The following CCNF variants were observed in gnomAD, a reference collection of about 807,000 sequenced individuals.
CCNF encodes cyclin-F.
In CCNF, 30 loss-of-function variants were observed where a neutral mutation model predicts 85.4. That is an observed-to-expected ratio of 0.35 (90% confidence interval 0.26 to 0.48). CCNF has a LOEUF of 0.48. Ranked by LOEUF, CCNF falls within the 20% of genes least tolerant of loss-of-function variation. CCNF has a pLI of 0.99. For synonymous variants in CCNF, 439 were observed against 425.1 expected, an observed-to-expected ratio of 1.03 and a Z score of -0.40; for missense variants, 919 against 1,010.4, an observed-to-expected ratio of 0.91 and a Z score of 1.23.
chr16:2,433,158 T>C (rs1055460410), intron 3 of CCNF, 91 bp downstream of exon 3: 38 of 770,190 alleles, frequency 4.9e-5, no homozygotes, highest in African/African-American at 4.6e-4. Context: ...TCAGCAACGA[T>C]TTTCCTGTTG....
In CCNF at chr16:2,451,917, C is replaced by G. The variant is rs189742397; in HGVS notation, c.1488-1293C>G. On this transcript the variant is annotated intron_variant, in intron 13 of 16. Coordinates refer to ENST00000397066, the MANE Select transcript of CCNF (RefSeq NM_001761.3). This position sits in a 1 kb window ranked among gnomAD's most constrained non-coding sequence, Gnocchi z 4.3. ...ATTCAGGCCACATCTCAACCTTGACCTGCCACCCCCCTGCCAGCGTGACTC... is the reference window on the plus strand; with the variant it reads ...ATTCAGGCCACATCTCAACCTTGACGTGCCACCCCCCTGCCAGCGTGACTC... Among the ~76,000 whole-genome samples, 191 of 152,342 alleles carry G rather than the reference C, an allele frequency of 1.3e-3. 1 individual carries two copies. Among genetic ancestry groups the G allele is most frequent in the Admixed American group, 9.3e-3 (143 of 15,310 alleles).
At chr16:2,454,182 C>G (rs918724966) in intron 15 of CCNF, among the ~76,000 whole-genome samples, 1 of 152,194 alleles carries the variant, frequency 6.6e-6, no homozygotes, top group Admixed American at 6.5e-5. Context: ...TAGGACCAGG[C>G]AGGGCTGCCT....
rs148847295 is a variant in CCNF, at chr16:2,454,789, G to A, written c.1716-606G>A. ...ATCAACACCAGAGGGGCCGGGTGCG[G>A]TTGCTCATGCCTGTAATCCCAGCAC... On this transcript the variant is annotated intron_variant, in intron 15 of 16. Transcript: ENST00000397066. 3.9e-3 allele frequency among the ~76,000 whole-genome samples: 601 copies of A among 152,326 alleles called. 5 individuals carry two copies. The highest frequency in any genetic ancestry group is 0.014 in the African/African-American group (573 of 41,572).
chr16:2,447,139 C>T (rs1288539756), intron 10 of CCNF, among the ~76,000 whole-genome samples: 5 of 152,160 alleles, frequency 3.3e-5, no homozygotes, highest in Non-Finnish European at 5.9e-5. Context: ...GGGCCACAAC[C>T]GGCTGGCAGT....
chr16:2,443,314 A>C (rs899921243), intron 8 of CCNF, among the ~76,000 whole-genome samples: 3 of 151,202 alleles, frequency 2.0e-5, no homozygotes, highest in African/African-American at 7.3e-5. Flanking sequence ...GGGTGTAAAC[A>C]TTGGCAGAAG....
At position 2,456,959 on chromosome 16, in the gene CCNF, G is replaced by A. The variant is rs374118703; in HGVS notation, c.2300G>A (p.Arg767Gln). Residue 767 changes from arginine to glutamine, a missense_variant, in exon 17 of 17, where the codon CGG becomes CAG. Arg to Gln is a conservative substitution (Grantham distance 43). Transcript: ENST00000397066. The surrounding 1 kb of genome is among the most constrained non-coding windows in gnomAD (Gnocchi z 4.5). The part of the protein sequence containing the change: ...ESSVPQQQVK[R>Q]INLCIHSEEE... ...AGTGTTCCCCAGCAACAGGTGAAGC[G>A]GATAAACCTATGCATACACAGTGAG... 3.7e-5 allele frequency: 60 copies of A among 1,612,480 alleles called. No individual in the cohort carries two copies. The highest frequency in any genetic ancestry group is 8.4e-5 in the Admixed American group (5 of 59,852).
intron 8 of CCNF, among the ~76,000 whole-genome samples, chr16:2,442,976 TTA>T (rs1328641733): frequency 4.6e-5 from 5 of 108,490 alleles, no homozygotes; most frequent in African/African-American, 1.8e-4. Context: ...TATTTATATA[TTA>T]TATATTATTT....
At position 2,429,491 on chromosome 16, in the gene CCNF, G is replaced by T; in HGVS notation, c.10G>T (p.Gly4Cys). 8.1e-7 allele frequency: 1 copy of T among 1,231,728 alleles called. No individual in the cohort carries two copies. The highest frequency in any genetic ancestry group is 1.0e-6 in the Non-Finnish European group (1 of 987,858). The allele number at this position is 1,231,728 out of a possible 1,614,324, so 76.3% of individuals were successfully genotyped here. A position where few individuals can be genotyped will look rare whatever the true frequency, so the allele number is the denominator to read the frequency against. The change falls in exon 1 of 17, where the codon GGC becomes TGC. Residue 4 changes from glycine to cysteine, a missense_variant. Gly to Cys is a radical substitution (Grantham distance 159, BLOSUM62 -3). Coordinates refer to ENST00000397066, the MANE Select transcript of CCNF (RefSeq NM_001761.3). Reference protein sequence around the residue: MGSGGVVHCRCAKC... With the variant: MGSCGVVHCRCAKC... ...CGACGCGAGCGCGGCGATGGGGAGC[G>T]GCGGCGGTGAGTGCGGGGCGATGTC... is the stretch of plus-strand genomic sequence containing the variant.
intron 13 of CCNF, among the ~76,000 whole-genome samples, chr16:2,450,158 T>TA (rs2065386436): frequency 6.9e-6 from 1 of 144,416 alleles, no homozygotes; most frequent in Non-Finnish European, 1.5e-5. Context: ...AGTGAGTTGA[T>TA]ATCACGTCAC....
At chr16:2,443,319 C>G (rs2065342901) in intron 8 of CCNF, among the ~76,000 whole-genome samples, 1 of 151,090 alleles carries the variant, frequency 6.6e-6, no homozygotes, top group Non-Finnish European at 1.5e-5. Flanking sequence ...TAAACATTGG[C>G]AGAAGCCTTT....
rs990719669 is a variant in CCNF at position 2,435,843 on chromosome 16, C to G, written c.316C>G (p.Leu106Val). 9.3e-6 allele frequency: 15 copies of G among 1,613,646 alleles called. No individual in the cohort carries two copies. The highest frequency in any genetic ancestry group is 1.3e-5 in the Non-Finnish European group (15 of 1,179,796). The change falls in exon 4 of 17, where the codon CTG becomes GTG. Residue 106 changes from leucine (L) to valine (V), a missense_variant. This residue lies in a region of CCNF where 410 missense variants were observed against 478.6 expected (regional missense o/e 0.86). Coordinates refer to ENST00000397066, the MANE Select transcript of CCNF (RefSeq NM_001761.3). The part of the protein sequence containing the change: ...EKGNFEAAVK[L>V]GIAYLYNEGL... ...GGGGAATTTCGAAGCTGCTGTGAAG[C>G]TGGGCATAGCCTACCTCTACAATGA... is the stretch of plus-strand genomic sequence containing the variant.
In CCNF at chr16:2,455,426, G is replaced by C; in HGVS notation, c.1747G>C (p.Gly583Arg). 1 of 1,590,020 alleles carries C rather than the reference G, an allele frequency of 6.3e-7. No individual in the cohort carries two copies. Among genetic ancestry groups the C allele is most frequent in the Non-Finnish European group, 8.6e-7 (1 of 1,161,016 alleles). Reference protein sequence around the residue: ...KRENSLQEDRGSFVTTPTAEL... With the variant: ...KRENSLQEDRRSFVTTPTAEL... ...GGAGAACAGCCTCCAGGAAGACAGA[G>C]GCAGCTTCGTTACCACCCCCACTGC... Residue 583 changes from glycine (G) to arginine (R), a missense_variant, in exon 16 of 17, where the codon GGC (glycine) becomes CGC (arginine). By Grantham distance (125) the Gly-to-Arg change is moderately radical. This residue lies in a region of CCNF where 505 missense variants were observed against 514.8 expected (regional missense o/e 0.98). Transcript: ENST00000397066.
At chr16:2,445,352 G>T in intron 9 of CCNF, 106 bp from the exon 10 acceptor site, 2 of 1,303,366 alleles carry the variant, frequency 1.5e-6, no homozygotes. Context: ...CATGATTCCA[G>T]AGCTAGCCAG....
chr16:2,450,336 T>TAAAAAAAAAAAAA (rs869044588), intron 13 of CCNF, among the ~76,000 whole-genome samples: 5 of 65,912 alleles, frequency 7.6e-5, no homozygotes, highest in African/African-American at 2.8e-4. Context: ...CTGTCTCTAC[T>TAAAAAAAAAAAAA]AAAAAAAAAA....
At chr16:2,435,922 C>T (rs1231837926) in intron 4 of CCNF, 49 bp downstream of exon 4, 5 of 1,401,964 alleles carry the variant, frequency 3.6e-6, no homozygotes, top group Non-Finnish European at 5.1e-6. Context: ...AAGTGTGAGC[C>T]TTTGGCCCTA....
rs932546483 is a variant in CCNF at position 2,453,081 on chromosome 16, G to C, written c.1488-129G>C. On this transcript the variant is annotated intron_variant, in intron 13 of 16. Transcript: ENST00000397066. The surrounding 1 kb of genome is among the most constrained non-coding windows in gnomAD (Gnocchi z 5.6). ...CTGTGGTGACTGAGTTTAACCATTC[G>C]GGGAACTGCCAGGTCAGATTCCAGA... is the stretch of plus-strand genomic sequence containing the variant. The C allele has an allele frequency of 1.3e-6, 1 of 758,382 alleles. No homozygotes were observed. The highest frequency in any genetic ancestry group is 2.3e-6 in the Non-Finnish European group (1 of 435,712). 47.0% of individuals were successfully genotyped at this position (758,382 alleles called of 1,614,324 possible).
At position 2,437,309 on chromosome 16, in the gene CCNF, G is replaced by A; in HGVS notation, c.527G>A (p.Cys176Tyr). The A allele has an allele frequency of 6.3e-7, 1 of 1,591,884 alleles. No individual in the cohort carries two copies. The highest frequency in any genetic ancestry group is 8.6e-7 in the Non-Finnish European group (1 of 1,169,376). ...GTTCACGAGAGCCTCAGGGCAGAGT[G>A]CCAGCTGCAGAGGGTGAGTCTGGGC... Reference protein sequence around the residue: ...AVVHESLRAECQLQRTHKASI... With the variant: ...AVVHESLRAEYQLQRTHKASI... The change falls in exon 5 of 17, where the codon TGC becomes TAC. Residue 176 changes from cysteine to tyrosine, a missense_variant. Physicochemically the swap from Cys to Tyr is radical, Grantham distance 194. Coordinates refer to ENST00000397066, the MANE Select transcript of CCNF (RefSeq NM_001761.3).
chr16:2,436,203 G>T, intron 4 of CCNF: 1 of 230,794 alleles, frequency 4.3e-6, no homozygotes. Context: ...ACCTGCCTGT[G>T]GATGCTGGCC....
intron 5 of CCNF, 165 bp from the exon 6 acceptor site, chr16:2,437,902 TTAA>T: frequency 1.5e-5 from 7 of 467,460 alleles, no homozygotes; most frequent in African/African-American, 4.5e-5. Context: ...CTGTTTCCCT[TTAA>T]AAAAAAAAAA....
Sources: gnomAD v4.1 joint callset for allele counts (sites outside exome capture counted in the v4.1 genomes callset) on GRCh38, gnomAD v4.1.1 for gene constraint, gnomAD v4.1.1 regional missense constraint, Gnocchi (gnomAD v3.1) non-coding constraint, MANE v1.5 for transcripts, NCBI Gene and HGNC (gene_info 2026-07-23, HGNC 2026-07-21) for gene names.